Variants in TLN2 observed in about 807,000 individuals in gnomAD.
TLN2 encodes the protein talin-2.
Under a neutral mutation model 294.7 loss-of-function variants are expected in TLN2, and 118 were observed. The observed-to-expected ratio is 0.40, with a 90% CI of 0.34 to 0.47. The LOEUF (loss-of-function observed/expected upper bound fraction) is 0.47. Among genes scored for constraint, TLN2 ranks in the 20% least tolerant of loss-of-function variants. The probability of loss-of-function intolerance (pLI) is 0.84; values close to 1 mark genes in which losing one functional copy is unlikely to be tolerated. For missense variants in TLN2, 3,083 were observed against 3,282.2 expected (o/e 0.94, Z 1.48); for synonymous variants, 1,431 against 1,304.5 (o/e 1.10, Z -2.09).
intron 1 of TLN2, among the ~76,000 whole-genome samples, chr15:62,488,593 A>G (rs2038537214): frequency 6.6e-6 from 1 of 152,386 alleles, no homozygotes; most frequent in East Asian, 1.9e-4. Flanking sequence ...ATGACTACCC[A>G]GCATTGCCAA....
chr15:62,594,054 G>A (rs77090128), intron 2 of TLN2, among the ~76,000 whole-genome samples: 4,773 of 152,288 alleles, frequency 0.031, 117 homozygotes, highest in Non-Finnish European at 0.05. Flanking sequence ...AACAAAGCTG[G>A]AGGCATTATA....
intron 1 of TLN2, among the ~76,000 whole-genome samples, chr15:62,415,487 A>G (rs2140261892): frequency 8.3e-6 from 1 of 120,674 alleles, no homozygotes; most frequent in South Asian, 3.7e-4. Flanking sequence ...CTGGTGGAAC[A>G]AATGATTCCA....
At chr15:62,465,744 A>G (rs774741929) in intron 1 of TLN2, among the ~76,000 whole-genome samples, 4 of 152,222 alleles carry the variant, frequency 2.6e-5, no homozygotes, top group Non-Finnish European at 4.4e-5. Flanking sequence ...GAAAATTCTT[A>G]CATGTACATT....
intron 1 of TLN2, among the ~76,000 whole-genome samples, chr15:62,416,282 G>T (rs1181776411): frequency 6.6e-6 from 1 of 152,268 alleles, no homozygotes; most frequent in East Asian, 1.9e-4. Flanking sequence ...GGGTAACAGA[G>T]CAAGACTCTA....
chr15:62,414,954 C>G lies in TLN2; in HGVS notation c.-238+24269C>G, dbSNP rs971557312. Among the ~76,000 whole-genome samples, 15 of 140,706 alleles carry G rather than the reference C, an allele frequency of 1.1e-4. 1 individual carries two copies. Among genetic ancestry groups the G allele is most frequent in the African/African-American group, 3.6e-4 (14 of 39,348 alleles). 92.3% of individuals were successfully genotyped at this position (140,706 alleles called of 152,430 possible). ...GAAATGGAGTTTCGCTCTTGCTGCC[C>G]AGGCTGGAGTGCAATGGCGTGATCT... On this transcript the variant is annotated intron_variant, in intron 1 of 58. Coordinates refer to ENST00000636159, the MANE Select transcript of TLN2 (RefSeq NM_015059.3).
At chr15:62,824,401 T>A (rs1403097379) in intron 54 of TLN2, among the ~76,000 whole-genome samples, 1 of 152,176 alleles carries the variant, frequency 6.6e-6, no homozygotes, top group Non-Finnish European at 1.5e-5. Context: ...TTTGGTTCAT[T>A]TTTATCCTGA....
At chr15:62,576,654 A>G (rs1180864260) in intron 1 of TLN2, among the ~76,000 whole-genome samples, 1 of 133,258 alleles carries the variant, frequency 7.5e-6, no homozygotes, top group African/African-American at 2.8e-5. Context: ...AAGATAATGG[A>G]ATGATTCCCC....
intron 57 of TLN2, among the ~76,000 whole-genome samples, chr15:62,837,843 T>A (rs1283743056): frequency 6.6e-6 from 1 of 152,198 alleles, no homozygotes; most frequent in Non-Finnish European, 1.5e-5. Context: ...GTCACTTTAG[T>A]TCACAGACCA....
At chr15:62,712,235 C>T (rs1259613719) in intron 22 of TLN2, among the ~76,000 whole-genome samples, 158 bp downstream of exon 22, 5 of 152,292 alleles carry the variant, frequency 3.3e-5, no homozygotes, top group Middle Eastern at 3.4e-3. Context: ...GTGGCAAAGG[C>T]GGTAATGGAA....
chr15:62,697,725 A>G lies in TLN2; in HGVS notation c.1330A>G (p.Lys444Glu). 1.9e-6 allele frequency: 3 copies of G among 1,605,340 alleles called. No individual in the cohort carries two copies. Among genetic ancestry groups the G allele is most frequent in the Non-Finnish European group, 8.5e-7 (1 of 1,173,544 alleles). Residue 444 changes from lysine (K) to glutamate (E), a missense_variant, in exon 15 of 59, where the codon AAG (lysine) becomes GAG (glutamate). Physicochemically the swap from Lys to Glu is moderately conservative, Grantham distance 56. Transcript: ENST00000636159. ...GCAGCAGCAGTTCAACCGGACCGGGAAGGCAGAGCACGGCTCAGTGGCGCT... is the reference window on the plus strand; with the variant it reads ...GCAGCAGCAGTTCAACCGGACCGGGGAGGCAGAGCACGGCTCAGTGGCGCT... ...ILQQQFNRTG[K>E]AEHGSVALPA... is the part of the protein sequence containing the mutation.
At chr15:62,802,943 T>C (rs1596052282) in intron 50 of TLN2, among the ~76,000 whole-genome samples, 2 of 152,210 alleles carry the variant, frequency 1.3e-5, no homozygotes, top group East Asian at 3.8e-4. Flanking sequence ...TATAGAATTG[T>C]TTGAGCTCCT....
chr15:62,720,927 C>G (rs1413577308), intron 25 of TLN2, among the ~76,000 whole-genome samples: 1 of 152,028 alleles, frequency 6.6e-6, no homozygotes, highest in Non-Finnish European at 1.5e-5. Context: ...TTATTTTTAT[C>G]TTTAGGACTT....
chr15:62,658,604 G>A (rs1279814819), intron 9 of TLN2, among the ~76,000 whole-genome samples: 5 of 152,166 alleles, frequency 3.3e-5, no homozygotes, highest in Admixed American at 3.3e-4. Context: ...CACACATTGT[G>A]AGCCTGAGGC....
At chr15:62,659,360 A>G (rs928950560) in intron 9 of TLN2, among the ~76,000 whole-genome samples, 4 of 152,310 alleles carry the variant, frequency 2.6e-5, no homozygotes, top group South Asian at 4.1e-4. Context: ...TGCCCCTTTC[A>G]CTGGTCTCCC....
intron 1 of TLN2, among the ~76,000 whole-genome samples, chr15:62,396,379 G>T (rs1463898790): frequency 6.6e-6 from 1 of 152,140 alleles, no homozygotes; most frequent in African/African-American, 2.4e-5. Flanking sequence ...AAAAGACTGG[G>T]AAGTATCACG....
At chr15:62,414,164 C>CTATGTATA (rs2033943831) in intron 1 of TLN2, among the ~76,000 whole-genome samples, 1 of 90,640 alleles carries the variant, frequency 1.1e-5, no homozygotes, top group Admixed American at 1.6e-4. Flanking sequence ...AAAAAAAAAA[C>CTATGTATA]TATATATATA....
intron 45 of TLN2, among the ~76,000 whole-genome samples, chr15:62,789,713 G>A (rs1035707968): frequency 6.6e-6 from 1 of 152,190 alleles, no homozygotes; most frequent in South Asian, 2.1e-4. Context: ...AGCTCAGGCT[G>A]GACTCTGCAC....
chr15:62,762,120 C>T, intron 38 of TLN2, 152 bp from the exon 39 acceptor site: 1 of 964,582 alleles, frequency 1.0e-6, no homozygotes, highest in East Asian at 2.4e-5. Flanking sequence ...CCATGCAGAC[C>T]CCTGGTAATC....
In TLN2 at chr15:62,717,161, C is replaced by G. The variant is rs142775513; in HGVS notation, c.2764-415C>G. Among the ~76,000 whole-genome samples, 99 of 152,298 alleles carry G rather than the reference C, an allele frequency of 6.5e-4. 1 individual carries two copies. In the East Asian group the frequency reaches 0.01, roughly 15 times the overall value. ...GTTGGAAAGTCTCTGCATTTTGGAACTAAGGCTTCTGAGTGCTGAGAGAGG... is the reference window on the plus strand; with the variant it reads ...GTTGGAAAGTCTCTGCATTTTGGAAGTAAGGCTTCTGAGTGCTGAGAGAGG... On this transcript the variant is annotated intron_variant, in intron 23 of 58. Coordinates refer to ENST00000636159, the MANE Select transcript of TLN2 (RefSeq NM_015059.3).
Sources: allele counts gnomAD v4.1 joint callset (sites outside exome capture counted in the v4.1 genomes callset), GRCh38; gene constraint gnomAD v4.1.1; transcripts MANE v1.5; gene names NCBI Gene and HGNC (gene_info 2026-07-23, HGNC 2026-07-21).